TCF12: variants seen among roughly 807,000 people sequenced by gnomAD.
The protein encoded by TCF12 is transcription factor 12.
TCF12 carries 45 observed loss-of-function variants against 86.0 expected under a neutral mutation model. The ratio of observed to expected loss-of-function variants is 0.52; its 90% CI spans 0.41 to 0.67. TCF12 has a LOEUF of 0.67. Among genes scored for constraint, TCF12 ranks in the 30% least tolerant of loss-of-function variants. The probability of loss-of-function intolerance (pLI) is 0.00; values close to 1 mark genes in which losing one functional copy is unlikely to be tolerated. For synonymous variants in TCF12, 330 were observed against 299.6 expected (o/e 1.10, Z -1.05); for missense variants, 881 against 859.9 (o/e 1.02, Z -0.31).
intron 4 of TCF12, among the ~76,000 whole-genome samples, chr15:57,073,744 T>TTTTG (rs1186384060): frequency 2.0e-5 from 3 of 152,152 alleles, no homozygotes; most frequent in African/African-American, 4.8e-5. Flanking sequence ...CTAGAAGTTT[T>TTTTG]TTTGTTTGTT....
intron 19 of TCF12, among the ~76,000 whole-genome samples, chr15:57,277,735 A>C (rs1360700865): frequency 6.6e-6 from 1 of 151,636 alleles, no homozygotes; most frequent in Non-Finnish European, 1.5e-5. Context: ...CCAGGAGATG[A>C]CTTGAGACCA....
chr15:57,076,980 A>G lies in TCF12; in HGVS notation c.222+13157A>G, dbSNP rs77893265. Among the ~76,000 whole-genome samples, 1,279 of 152,270 alleles carry G rather than the reference A, an allele frequency of 8.4e-3. 9 individuals carry two copies. The highest frequency in any genetic ancestry group is 0.014 in the Non-Finnish European group (965 of 68,014). The stretch of plus-strand genomic sequence containing the variant: ...CTGTTGGCCATATATGCGAGGATCA[A>G]TATCTGGGCTCTGTATTGTGTTTTA... On this transcript the variant is annotated intron_variant, in intron 4 of 20. Transcript: ENST00000333725.
In TCF12 at chr15:57,263,097, T is replaced by C; in HGVS notation, c.1583-15T>C. On this transcript the variant is annotated splice_polypyrimidine_tract_variant and intron_variant, in intron 17 of 20. Coordinates refer to ENST00000333725, the MANE Select transcript of TCF12 (RefSeq NM_207037.2). ...TCTCGTCTTTTATTTTATCTTTCCT[T>C]TGCCTCTTTGTTAGGTGGCTTGCAA... 1.3e-6 allele frequency: 2 copies of C among 1,586,296 alleles called. No individual in the cohort carries two copies. Among genetic ancestry groups the C allele is most frequent in the Non-Finnish European group, 1.7e-6 (2 of 1,173,088 alleles).
At chr15:57,166,571 T>A in intron 6 of TCF12, 105 bp downstream of exon 6, 2 of 999,822 alleles carry the variant, frequency 2.0e-6, no homozygotes, top group Non-Finnish European at 2.9e-6. Flanking sequence ...TCACTACTGT[T>A]TGTTTAATTT....
chr15:56,986,978 A>G (rs1447835809), intron 3 of TCF12, among the ~76,000 whole-genome samples: 8 of 152,218 alleles, frequency 5.3e-5, no homozygotes, highest in African/African-American at 1.9e-4. Flanking sequence ...GCTGTTTTTG[A>G]TAATAAAAGA....
chr15:57,081,472 T>G (rs1376622077), intron 4 of TCF12, among the ~76,000 whole-genome samples: 1 of 152,216 alleles, frequency 6.6e-6, no homozygotes, highest in African/African-American at 2.4e-5. Flanking sequence ...GAATAAAGCC[T>G]TTAGCCCAAG....
intron 5 of TCF12, among the ~76,000 whole-genome samples, chr15:57,160,428 G>C (rs2054420051): frequency 6.6e-6 from 1 of 152,098 alleles, no homozygotes; most frequent in Non-Finnish European, 1.5e-5. Flanking sequence ...CTCCCACCAG[G>C]TCCCTCCCAC....
Position 57,231,184 on chromosome 15 carries a change from C to A in TCF12, c.612C>A (p.Phe204Leu). Reference protein sequence around the residue: ...VYAPSPNSDDFNRESPSYPSP... With the variant: ...VYAPSPNSDDLNRESPSYPSP... ...CACCATCCCCAAATTCAGATGATTT[C>A]AACCGTGAATCTCCTAGTTATCCAT... Residue 204 changes from phenylalanine (F) to leucine (L), a missense_variant, in exon 9 of 21, where the codon TTC (phenylalanine) becomes TTA (leucine). Transcript: ENST00000333725. 1 of 1,613,088 alleles carries A rather than the reference C, an allele frequency of 6.2e-7. No individual in the cohort carries two copies. The highest frequency in any genetic ancestry group is 8.5e-7 in the Non-Finnish European group (1 of 1,179,286).
At chr15:56,926,890 T>C (rs765947644) in intron 3 of TCF12, among the ~76,000 whole-genome samples, 50 of 152,230 alleles carry the variant, frequency 3.3e-4, no homozygotes, top group Non-Finnish European at 4.6e-4. Flanking sequence ...GAATAGTGCC[T>C]AGCACATAGT....
At position 57,288,642 on chromosome 15, in the gene TCF12, A is replaced by C. The variant is rs1597945380; in HGVS notation, c.*2497A>C. 1 of 152,328 alleles carries C rather than the reference A, an allele frequency of 6.6e-6. No homozygotes were observed. Among genetic ancestry groups the C allele is most frequent in the African/African-American group, 2.4e-5 (1 of 41,472 alleles). The allele number at this position is 152,328 out of a possible 1,614,324, so 9.4% of individuals were successfully genotyped here. ...ACTGCATTACCGACATTATCTGGGA[A>C]ACCCTTCAGGACAGAATCAGGCTTG... is the stretch of plus-strand genomic sequence containing the variant. On this transcript the variant is annotated 3_prime_UTR_variant, in exon 21 of 21. Transcript: ENST00000333725.
chr15:57,099,782 A>G (rs552445524), intron 5 of TCF12, among the ~76,000 whole-genome samples: 2 of 152,140 alleles, frequency 1.3e-5, no homozygotes, highest in East Asian at 3.9e-4. Context: ...TTTTGTTTAT[A>G]TATTATGGGA....
chr15:57,114,280 A>G (rs2050693257), intron 5 of TCF12, among the ~76,000 whole-genome samples: 1 of 152,094 alleles, frequency 6.6e-6, no homozygotes, highest in South Asian at 2.1e-4. Flanking sequence ...AAGAAACTAT[A>G]GGCATTTAAC....
intron 5 of TCF12, among the ~76,000 whole-genome samples, chr15:57,112,754 C>G (rs1413304067): frequency 6.6e-6 from 1 of 151,956 alleles, no homozygotes; most frequent in Non-Finnish European, 1.5e-5. Context: ...TGGGAAATAT[C>G]AAGATGAAAA....
chr15:57,164,572 C>T (rs550578166), intron 5 of TCF12, among the ~76,000 whole-genome samples: 1 of 152,304 alleles, frequency 6.6e-6, no homozygotes, highest in East Asian at 1.9e-4. Flanking sequence ...CCCACCAGGT[C>T]CCTCCCACGA....
intron 4 of TCF12, among the ~76,000 whole-genome samples, chr15:57,067,583 G>C (rs1379268844): frequency 1.3e-5 from 2 of 149,506 alleles, no homozygotes. Context: ...TAGAAGAAAT[G>C]GTAGGCATGG....
rs1308874879 is a variant in TCF12 at position 57,246,989 on chromosome 15, T to C, written c.1114+3439T>C. On this transcript the variant is annotated intron_variant, in intron 13 of 20. Transcript: ENST00000333725. ...ACCTTCTGCTACCATATCCACCACTTTCACCACCATGGGGAATGCCTGAGC... is the reference window on the plus strand; with the variant it reads ...ACCTTCTGCTACCATATCCACCACTCTCACCACCATGGGGAATGCCTGAGC... 9.2e-6 allele frequency: 5 copies of C among 541,940 alleles called. No individual in the cohort carries two copies. The East Asian group carries it at 2.5e-4, about 27-fold the overall frequency. 33.6% of individuals were successfully genotyped at this position (541,940 alleles called of 1,614,324 possible). A position where few individuals can be genotyped will look rare whatever the true frequency, so the allele number is the denominator to read the frequency against.
intron 4 of TCF12, among the ~76,000 whole-genome samples, chr15:57,076,228 G>A (rs1362494824): frequency 2.6e-5 from 4 of 151,970 alleles, no homozygotes; most frequent in African/African-American, 9.7e-5. Context: ...GCCTTCATAG[G>A]ATATTAACAA....
chr15:57,056,828 A>T (rs2068071418), intron 3 of TCF12, among the ~76,000 whole-genome samples: 1 of 151,256 alleles, frequency 6.6e-6, no homozygotes. Flanking sequence ...TTTCATTAAA[A>T]GCATGTATCT....
rs2053917632 is a variant in TCF12 at position 57,153,644 on chromosome 15, A to T, written c.326-12758A>T. Among the ~76,000 whole-genome samples, 6 of 152,316 alleles carry T rather than the reference A, an allele frequency of 3.9e-5. No individual in the cohort carries two copies. In the South Asian group the frequency reaches 1.2e-3, roughly 32 times the overall value. ...AGGATTTAACATCTGTTAAAGATGT[A>T]TATTGTAAACTGAGGGCAATCGCTA... is the stretch of plus-strand genomic sequence containing the variant. On this transcript the variant is annotated intron_variant, in intron 5 of 20. Transcript: ENST00000333725.
Sources: gnomAD v4.1 joint callset for allele counts (sites outside exome capture counted in the v4.1 genomes callset) on GRCh38, gnomAD v4.1.1 for gene constraint, MANE v1.5 for transcripts, NCBI Gene and HGNC (gene_info 2026-07-23, HGNC 2026-07-21) for gene names.